Variants in IL1RAPL1 observed in about 807,000 individuals in gnomAD.
IL1RAPL1 encodes the protein interleukin-1 receptor accessory protein-like 1.
In IL1RAPL1, 3 loss-of-function variants were observed where a neutral mutation model predicts 48.4. The ratio of observed to expected loss-of-function variants is 0.06; its 90% CI spans 0.03 to 0.16. IL1RAPL1 has a LOEUF of 0.16. Among genes scored for constraint, IL1RAPL1 ranks in the 10% least tolerant of loss-of-function variants. IL1RAPL1 has a pLI of 1.00. For synonymous variants in IL1RAPL1, 185 were observed against 187.7 expected, an observed-to-expected ratio of 0.99 and a Z score of 0.12; for missense variants, 349 against 530.6, an observed-to-expected ratio of 0.66 and a Z score of 3.36.
At chrX:29,867,757 AC>A (rs1422410099) in intron 6 of IL1RAPL1, among the ~76,000 whole-genome samples, 1 of 111,865 alleles carries the variant, frequency 8.9e-6, no homozygotes, top group Non-Finnish European at 1.9e-5. Context: ...AACTTTTGAA[AC>A]CATGCAGCCT....
intron 5 of IL1RAPL1, among the ~76,000 whole-genome samples, chrX:29,662,656 G>A (rs1165676793): frequency 1.8e-5 from 2 of 112,092 alleles, no homozygotes; most frequent in Admixed American, 1.9e-4. Flanking sequence ...AAAATACTAA[G>A]TATCAAAGCT....
intron 6 of IL1RAPL1, among the ~76,000 whole-genome samples, chrX:29,752,080 G>GTA (rs757287803): frequency 0.073 from 6,193 of 85,051 alleles, 395 homozygotes; most frequent in African/African-American, 0.18. Flanking sequence ...ATGTGTGTAT[G>GTA]TATATATATA....
chrX:28,615,865 C>G (rs1284440807), intron 1 of IL1RAPL1, among the ~76,000 whole-genome samples: 1 of 111,954 alleles, frequency 8.9e-6, no homozygotes, highest in Non-Finnish European at 1.9e-5. Flanking sequence ...AGAAACTTGA[C>G]TGGGAGACCC....
intron 3 of IL1RAPL1, among the ~76,000 whole-genome samples, chrX:29,290,303 T>A (rs1932351161): frequency 9.0e-6 from 1 of 111,703 alleles, no homozygotes; most frequent in South Asian, 3.7e-4. Context: ...GCATAAGAAG[T>A]CTCTGAAAGA....
intron 3 of IL1RAPL1, among the ~76,000 whole-genome samples, chrX:29,294,113 G>A (rs1487369241): frequency 9.0e-6 from 1 of 111,219 alleles, no homozygotes; most frequent in African/African-American, 3.3e-5. Flanking sequence ...AAGAGCGTAT[G>A]AAGGACTTGT....
intron 1 of IL1RAPL1, among the ~76,000 whole-genome samples, chrX:28,670,658 A>G (rs1343866434): frequency 3.6e-5 from 4 of 112,218 alleles, no homozygotes; most frequent in Non-Finnish European, 5.6e-5. Flanking sequence ...ATTGCTTTCA[A>G]CCAAAGGCAT....
chrX:29,024,429 G>A (rs1926439201), intron 2 of IL1RAPL1, among the ~76,000 whole-genome samples: 1 of 111,577 alleles, frequency 9.0e-6, no homozygotes, highest in African/African-American at 3.3e-5. Context: ...GCCACCAATT[G>A]CATTTTTTCA....
intron 6 of IL1RAPL1, among the ~76,000 whole-genome samples, chrX:29,889,548 A>G (rs1042132869): frequency 8.9e-5 from 10 of 111,805 alleles, no homozygotes; most frequent in African/African-American, 3.2e-4. Context: ...CTCTGTAGCT[A>G]CGGGAATGAA....
At chrX:29,077,853 G>C (rs1388021070) in intron 2 of IL1RAPL1, among the ~76,000 whole-genome samples, 2 of 111,416 alleles carry the variant, frequency 1.8e-5, no homozygotes, top group African/African-American at 6.5e-5. Context: ...AGAAAGTGAG[G>C]GTGGTGGTCA....
At chrX:28,857,633 G>A (rs965321250) in intron 2 of IL1RAPL1, among the ~76,000 whole-genome samples, 1 of 111,239 alleles carries the variant, frequency 9.0e-6, no homozygotes, top group Non-Finnish European at 1.9e-5. Context: ...TATAGCATGG[G>A]TTGCTGAGTA....
chrX:28,994,182 T>C (rs1023642219), intron 2 of IL1RAPL1, among the ~76,000 whole-genome samples: 3 of 111,124 alleles, frequency 2.7e-5, no homozygotes, highest in East Asian at 2.8e-4. Context: ...ATAAGGAGCA[T>C]TGATAATATG....
chrX:29,534,951 G>A (rs1440142572), intron 5 of IL1RAPL1, among the ~76,000 whole-genome samples: 1 of 106,740 alleles, frequency 9.4e-6, no homozygotes, highest in African/African-American at 3.4e-5. Context: ...CCTGGGCGAC[G>A]AGGGAGACTC....
intron 1 of IL1RAPL1, among the ~76,000 whole-genome samples, chrX:28,760,710 A>G (rs191186793): frequency 8.9e-6 from 1 of 112,135 alleles, no homozygotes; most frequent in East Asian, 2.8e-4. Flanking sequence ...AAAATGCTCA[A>G]CATCACTGAT....
At chrX:28,927,561 T>C (rs1923777315) in intron 2 of IL1RAPL1, among the ~76,000 whole-genome samples, 1 of 111,663 alleles carries the variant, frequency 9.0e-6, no homozygotes, top group African/African-American at 3.2e-5. Context: ...CTTTTCAAAT[T>C]AGTTCATCAG....
intron 6 of IL1RAPL1, among the ~76,000 whole-genome samples, chrX:29,820,759 T>C (rs1930594147): frequency 8.9e-6 from 1 of 112,078 alleles, no homozygotes; most frequent in Admixed American, 9.5e-5. Flanking sequence ...TTTGAGTAAT[T>C]TTTCAAGTAA....
intron 1 of IL1RAPL1, among the ~76,000 whole-genome samples, chrX:28,692,325 A>G (rs1935187160): frequency 9.0e-6 from 1 of 111,312 alleles, no homozygotes; most frequent in Admixed American, 9.6e-5. Context: ...AGCAGACAAA[A>G]TATTTGTGGT....
intron 2 of IL1RAPL1, among the ~76,000 whole-genome samples, chrX:29,248,402 G>A (rs975112490): frequency 2.7e-5 from 3 of 111,403 alleles, no homozygotes; most frequent in South Asian, 3.8e-4. Flanking sequence ...CAGCCTGGGC[G>A]ACAGAGCGAG....
chrX:28,610,238 A>G (rs774838319), intron 1 of IL1RAPL1, among the ~76,000 whole-genome samples: 1 of 111,569 alleles, frequency 9.0e-6, no homozygotes, highest in African/African-American at 3.3e-5. Context: ...TTTTTCCCCT[A>G]CTCGACTTCA....
intron 1 of IL1RAPL1, among the ~76,000 whole-genome samples, chrX:28,623,303 CT>C: frequency 9.0e-6 from 1 of 111,376 alleles, no homozygotes; most frequent in Middle Eastern, 4.7e-3. Context: ...TTCATTCAAC[CT>C]CTTTGTACAG....
Sources: allele counts gnomAD v4.1 joint callset (sites outside exome capture counted in the v4.1 genomes callset), GRCh38; gene constraint gnomAD v4.1.1; transcripts MANE v1.5; gene names NCBI Gene and HGNC (gene_info 2026-07-23, HGNC 2026-07-21).